SCAF11: variants seen among roughly 807,000 people sequenced by gnomAD.
The protein encoded by SCAF11 is SR-related CTD associated factor 11, also known as protein SCAF11.
In SCAF11, 47 loss-of-function variants were observed where a neutral mutation model predicts 140.5. That is an observed-to-expected ratio of 0.33 (90% CI 0.26 to 0.43). The LOEUF (loss-of-function observed/expected upper bound fraction) is 0.43, where lower values mean the gene tolerates loss of function less well. SCAF11 is among the 20% of genes least tolerant of loss of function. The pLI, the probability that SCAF11 is intolerant of heterozygous loss-of-function variation, is 1.00. For missense variants in SCAF11, 1,645 were observed against 1,705.1 expected, an observed-to-expected ratio of 0.96 and a Z score of 0.62; for synonymous variants, 557 against 579.4, an observed-to-expected ratio of 0.96 and a Z score of 0.55.
chr12:45,983,984 A>G (rs1253169516), intron 1 of SCAF11, among the ~76,000 whole-genome samples: 1 of 152,200 alleles, frequency 6.6e-6, no homozygotes, highest in Non-Finnish European at 1.5e-5. Flanking sequence ...AATTTTCACT[A>G]AAAGTGTTGG....
intron 1 of SCAF11, among the ~76,000 whole-genome samples, chr12:45,972,983 T>G (rs1043597993): frequency 1.4e-5 from 2 of 140,576 alleles, no homozygotes; most frequent in South Asian, 2.4e-4. Flanking sequence ...TATATAGATA[T>G]ATAGATATAG....
intron 3 of SCAF11, among the ~76,000 whole-genome samples, chr12:45,958,093 TGA>T (rs2136601311): frequency 6.6e-6 from 1 of 151,634 alleles, no homozygotes; most frequent in African/African-American, 2.4e-5. Flanking sequence ...CCAGTAGAGA[TGA>T]GGTCTCACCA....
chr12:45,984,510 C>T (rs1946419422), intron 1 of SCAF11, among the ~76,000 whole-genome samples: 1 of 152,212 alleles, frequency 6.6e-6, no homozygotes, highest in Non-Finnish European at 1.5e-5. Context: ...AGCGTCTTCA[C>T]TGTAAAGTTA....
intron 1 of SCAF11, among the ~76,000 whole-genome samples, chr12:45,988,488 G>C (rs1946512816): frequency 6.6e-6 from 1 of 152,150 alleles, no homozygotes; most frequent in South Asian, 2.1e-4. Context: ...AACTGTCTAA[G>C]CTCTAGTTGG....
chr12:45,974,238 CAT>C (rs1010215423), intron 1 of SCAF11: 1 of 470,584 alleles, frequency 2.1e-6, no homozygotes, highest in African/African-American at 2.0e-5. Flanking sequence ...TTCAGCAAGT[CAT>C]AATCTTTTTG....
rs1945093687 is a variant in SCAF11, at chr12:45,933,231, T to A, written c.634A>T (p.Thr212Ser). 3.7e-6 allele frequency: 6 copies of A among 1,600,586 alleles called. No individual in the cohort carries two copies. The East Asian group carries it at 1.3e-4, about 36-fold the overall frequency. Residue 212 changes from threonine to serine, a missense_variant and splice_region_variant, in exon 9 of 15, where the codon ACA (threonine) becomes TCA (serine). Physicochemically the swap from Thr to Ser is moderately conservative, Grantham distance 58 (BLOSUM62 1). This residue lies in a region of SCAF11 where 1,582 missense variants were observed against 1,609.2 expected (regional missense o/e 0.98). Transcript: ENST00000369367. ...ATTTCACTGGCTTCTATAAATTCTG[T>A]ACTAAAAGATAAATTTTAGACCTTC... ...ESSFTYRAYC[T>S]EFIEASEISA... is the part of the protein sequence containing the mutation.
intron 3 of SCAF11, chr12:45,961,351 GA>G: frequency 1.4e-6 from 1 of 715,538 alleles, no homozygotes; most frequent in Non-Finnish European, 2.6e-6. Flanking sequence ...AAAGCAGACA[GA>G]AGGTGTTATT....
rs536526503 is a variant in SCAF11, at chr12:45,924,861, T to A, written c.3773A>T (p.His1258Leu). 6.2e-7 allele frequency: 1 copy of A among 1,614,104 alleles called. No homozygotes were observed. The highest frequency in any genetic ancestry group is 1.7e-5 in the Admixed American group (1 of 60,020). Residue 1258 changes from histidine (H) to leucine (L), a missense_variant, in exon 12 of 15, where the codon CAC (histidine) becomes CTC (leucine). His to Leu is a moderately conservative substitution (Grantham distance 99). This residue lies in a region of SCAF11 where 1,582 missense variants were observed against 1,609.2 expected (regional missense o/e 0.98). Coordinates refer to ENST00000369367, the MANE Select transcript of SCAF11 (RefSeq NM_004719.3). ...NIHPQLPLHL[H>L]TGVPLMQVAT... The stretch of plus-strand genomic sequence containing the variant: ...TACCTGCATGAGGGGCACTCCTGTG[T>A]GGAGATGCAAGGGTAGCTGAGGATG...
chr12:45,990,683 C>G, upstream of SCAF11: 1 of 906,600 alleles, frequency 1.1e-6, no homozygotes, highest in Non-Finnish European at 1.4e-6. Context: ...CGGCGGCAGC[C>G]GGACTCGCCA....
Position 45,928,761 on chromosome 12 carries a change from G to T in SCAF11, c.940C>A (p.Pro314Thr), listed in dbSNP as rs201224550. Residue 314 changes from proline (P) to threonine (T), a missense_variant, in exon 11 of 15, where the codon CCT (proline) becomes ACT (threonine). Physicochemically the swap from Pro to Thr is conservative, Grantham distance 38 (BLOSUM62 -1). This residue lies in a region of SCAF11 where 1,582 missense variants were observed against 1,609.2 expected (regional missense o/e 0.98). Transcript: ENST00000369367. ...CTCCTTGTAGGAGTTGTCATTGCAG[G>T]TTTTCGTCTTGATCCTCTGGTATTT... ...TSNTRGSRRK[P>T]AMTTPTRRST... 385 of 1,613,152 alleles carry T rather than the reference G, an allele frequency of 2.4e-4. 1 individual carries two copies. The highest frequency in any genetic ancestry group is 3.2e-4 in the Non-Finnish European group (376 of 1,179,866).
chr12:45,962,307 T>C (rs998782680), intron 2 of SCAF11, among the ~76,000 whole-genome samples: 1 of 152,240 alleles, frequency 6.6e-6, no homozygotes, highest in African/African-American at 2.4e-5. Context: ...TCTGCTTTTT[T>C]CTTTATTCAA....
At chr12:45,972,805 T>C (rs969308265) in intron 1 of SCAF11, among the ~76,000 whole-genome samples, 3 of 145,250 alleles carry the variant, frequency 2.1e-5, no homozygotes, top group South Asian at 2.2e-4. Context: ...GGGTGAATTA[T>C]CTAAAATGAA....
chr12:45,928,085 G>A lies in SCAF11; in HGVS notation c.1616C>T (p.Thr539Ile), dbSNP rs752465779. Residue 539 changes from threonine to isoleucine, a missense_variant, in exon 11 of 15, where the codon ACA (threonine) becomes ATA (isoleucine). By Grantham distance (89) the Thr-to-Ile change is moderately conservative. Transcript: ENST00000369367. Reference sequence around the variant, plus strand: ...TGGAAGATGAACTGTACATACATCTGTCTTTACCTCTGATTGTGAAAGTCC... The same window carrying A: ...TGGAAGATGAACTGTACATACATCTATCTTTACCTCTGATTGTGAAAGTCC... ...ISGLSQSEVK[T>I]DVCTVHLPND... is the part of the protein sequence containing the mutation. The A allele has an allele frequency of 3.1e-6, 5 of 1,613,874 alleles. No homozygotes were observed. The highest frequency in any genetic ancestry group is 3.3e-5 in the Admixed American group (2 of 60,006).
intron 1 of SCAF11, among the ~76,000 whole-genome samples, chr12:45,972,585 TAAAA>T (rs76785973): frequency 1.9e-5 from 2 of 107,660 alleles, no homozygotes; most frequent in African/African-American, 7.2e-5. Flanking sequence ...CCCTGTCTCT[TAAAA>T]AAAAAAAAAA....
intron 1 of SCAF11, among the ~76,000 whole-genome samples, chr12:45,984,516 A>C (rs944484033): frequency 2.6e-5 from 4 of 152,204 alleles, no homozygotes; most frequent in African/African-American, 9.7e-5. Context: ...TTCACTGTAA[A>C]GTTACTTTTG....
intron 1 of SCAF11, among the ~76,000 whole-genome samples, chr12:45,983,608 T>C (rs1489568318): frequency 6.6e-6 from 1 of 152,056 alleles, no homozygotes; most frequent in Non-Finnish European, 1.5e-5. Context: ...CTATTACCAC[T>C]GGACTTAGAT....
chr12:45,926,120 T>C, intron 11 of SCAF11, 22 bp downstream of exon 11: 1 of 1,558,412 alleles, frequency 6.4e-7, no homozygotes, highest in Non-Finnish European at 8.7e-7. Context: ...ACAGTATCAA[T>C]AAACCAACAA....
intron 1 of SCAF11, among the ~76,000 whole-genome samples, chr12:45,989,960 T>C (rs906671812): frequency 2.0e-5 from 3 of 151,770 alleles, no homozygotes; most frequent in South Asian, 2.1e-4. Flanking sequence ...GTGGCGGTTC[T>C]GGCGTGGAGC....
chr12:45,972,351 A>T (rs982868270), intron 1 of SCAF11, among the ~76,000 whole-genome samples: 2 of 152,158 alleles, frequency 1.3e-5, no homozygotes, highest in Non-Finnish European at 2.9e-5. Context: ...AGAGGTCAAG[A>T]TGGGAGGACT....
Sources: gnomAD v4.1 joint callset for allele counts (sites outside exome capture counted in the v4.1 genomes callset) on GRCh38, gnomAD v4.1.1 for gene constraint, gnomAD v4.1.1 regional missense constraint, MANE v1.5 for transcripts, NCBI Gene and HGNC (gene_info 2026-07-23, HGNC 2026-07-21) for gene names.